Variants in SHTN1 observed in about 807,000 individuals in gnomAD.
SHTN1 encodes shootin-1.
Under a neutral mutation model 83.1 loss-of-function variants are expected in SHTN1, and 42 were observed. That is an observed-to-expected ratio of 0.51 (90% CI 0.39 to 0.65). The LOEUF (loss-of-function observed/expected upper bound fraction) is 0.65, where lower values mean the gene tolerates loss of function less well. Among genes scored for constraint, SHTN1 ranks in the 30% least tolerant of loss-of-function variants. The probability of loss-of-function intolerance (pLI) is 0.00; values close to 1 mark genes in which losing one functional copy is unlikely to be tolerated. For synonymous variants in SHTN1, 224 were observed against 247.7 expected (o/e 0.90, Z 0.90); for missense variants, 622 against 737.8 (o/e 0.84, Z 1.82).
At chr10:117,052,741 C>T (rs537178907) in intron 1 of SHTN1, among the ~76,000 whole-genome samples, 9 of 151,818 alleles carry the variant, frequency 5.9e-5, no homozygotes, top group Middle Eastern at 3.4e-3. Context: ...TAAGTTGGGC[C>T]GAGTGCGGTG....
intron 1 of SHTN1, among the ~76,000 whole-genome samples, chr10:116,988,748 C>T (rs953201213): frequency 6.6e-6 from 1 of 151,848 alleles, no homozygotes; most frequent in Non-Finnish European, 1.5e-5. Context: ...TGTTAGGTTG[C>T]CAAGGCTGGT....
At chr10:117,073,705 T>G (rs1853117199) in intron 1 of SHTN1, among the ~76,000 whole-genome samples, 1 of 152,230 alleles carries the variant, frequency 6.6e-6, no homozygotes, top group East Asian at 1.9e-4. Flanking sequence ...ACATGAACCC[T>G]GAGGCTACTG....
intron 13 of SHTN1, 123 bp downstream of exon 13, chr10:116,915,252 G>A (rs761144332): frequency 6.4e-6 from 4 of 628,596 alleles, no homozygotes; most frequent in Non-Finnish European, 1.1e-5. Flanking sequence ...AAGCTTTTGT[G>A]ACACATTAGC....
At chr10:116,993,400 G>C (rs987943525) in intron 1 of SHTN1, among the ~76,000 whole-genome samples, 3 of 152,078 alleles carry the variant, frequency 2.0e-5, no homozygotes, top group African/African-American at 7.2e-5. Flanking sequence ...CTTAAAGATA[G>C]CAATGAGCAC....
chr10:117,042,962 T>TTAA (rs1210643478), intron 2 of SHTN1, among the ~76,000 whole-genome samples: 40 of 152,098 alleles, frequency 2.6e-4, no homozygotes, highest in Non-Finnish European at 2.9e-5. Flanking sequence ...ACACAAATAT[T>TTAA]TAACCTGTCT....
intron 7 of SHTN1, 129 bp from the exon 8 acceptor site, chr10:116,945,147 G>A (rs1849529820): frequency 1.6e-6 from 1 of 640,080 alleles, no homozygotes; most frequent in African/African-American, 1.8e-5. Flanking sequence ...TTCCTGGTTG[G>A]CATACAAACT....
At chr10:117,010,421 G>T (rs546559800), upstream of SHTN1, among the ~76,000 whole-genome samples, 4 of 151,658 alleles carry the variant, frequency 2.6e-5, no homozygotes, top group African/African-American at 9.7e-5. Context: ...ATTAAAAAAA[G>T]AAAAGAAAAG....
intron 7 of SHTN1, among the ~76,000 whole-genome samples, chr10:116,945,950 CA>C (rs992854292): frequency 7.9e-5 from 12 of 151,886 alleles, no homozygotes; most frequent in African/African-American, 2.9e-4. Context: ...CTCACAAACA[CA>C]AAAAGTTGCA....
intron 1 of SHTN1, among the ~76,000 whole-genome samples, chr10:116,993,420 A>C (rs975061259): frequency 6.6e-6 from 1 of 152,200 alleles, no homozygotes; most frequent in African/African-American, 2.4e-5. Context: ...CTCGTAAATT[A>C]AATTTACTTA....
At chr10:116,992,433 A>C (rs1851471707) in intron 1 of SHTN1, among the ~76,000 whole-genome samples, 1 of 152,168 alleles carries the variant, frequency 6.6e-6, no homozygotes, top group South Asian at 2.1e-4. Flanking sequence ...ACTAACCCCA[A>C]ATCTCACCTA....
chr10:116,929,786 G>C, intron 10 of SHTN1, 63 bp downstream of exon 10: 1 of 1,125,096 alleles, frequency 8.9e-7, no homozygotes. Flanking sequence ...GCCAGGTTTT[G>C]TACTAGGCAT....
At chr10:117,099,789 CAA>C (rs1053641039) in intron 1 of SHTN1, among the ~76,000 whole-genome samples, 5 of 152,122 alleles carry the variant, frequency 3.3e-5, no homozygotes, top group African/African-American at 1.2e-4. Context: ...GGTTAGAATC[CAA>C]AGTTTTCCCC....
intron 6 of SHTN1, among the ~76,000 whole-genome samples, chr10:116,949,463 A>G (rs956171790): frequency 3.3e-5 from 5 of 152,102 alleles, no homozygotes; most frequent in Admixed American, 2.0e-4. Context: ...AATCCAACTA[A>G]AGATCACCCA....
rs530138594 is a variant in SHTN1 at position 116,900,571 on chromosome 10, T to TAC, written c.1673+1192_1673+1193dup. The TAC allele has an allele frequency of 4.3e-4, 661 of 1,534,524 alleles. 6 individuals are homozygous for TAC. The South Asian group carries it at 5.6e-3, about 13-fold the overall frequency. On this transcript the variant is annotated intron_variant, in intron 16 of 16. Coordinates refer to ENST00000355371, the MANE Select transcript of SHTN1 (RefSeq NM_001127211.3). ...TAAAATGGTAAAGGAGAAAAATCTA[T>TAC]ACACACACACTGAAGCATTTATCAG... is the stretch of plus-strand genomic sequence containing the variant.
At chr10:116,921,167 C>T (rs1848551283) in intron 12 of SHTN1, among the ~76,000 whole-genome samples, 1 of 152,110 alleles carries the variant, frequency 6.6e-6, no homozygotes, top group South Asian at 2.1e-4. Flanking sequence ...TACTCCCTCT[C>T]TTTCCTGTAC....
At chr10:117,123,960 C>T (rs1307595109) in intron 1 of SHTN1, among the ~76,000 whole-genome samples, 3 of 150,084 alleles carry the variant, frequency 2.0e-5, no homozygotes, top group African/African-American at 4.9e-5. Flanking sequence ...ACCTGTAATC[C>T]GAACACTTTG....
intron 8 of SHTN1, among the ~76,000 whole-genome samples, chr10:116,944,523 A>G (rs17095447): frequency 0.058 from 8,802 of 152,240 alleles, 830 homozygotes; most frequent in African/African-American, 0.19. Flanking sequence ...CAGATCCTTA[A>G]TTCAAACTGG....
chr10:117,072,709 A>T (rs933913015), intron 1 of SHTN1, among the ~76,000 whole-genome samples: 27 of 152,286 alleles, frequency 1.8e-4, no homozygotes, highest in Middle Eastern at 3.4e-3. Context: ...AAGGAATCTG[A>T]AAAACAGCCT....
At chr10:116,914,488 A>C (rs1848311978) in intron 13 of SHTN1, among the ~76,000 whole-genome samples, 1 of 151,778 alleles carries the variant, frequency 6.6e-6, no homozygotes, top group Admixed American at 6.6e-5. Context: ...AAAAAAGAAC[A>C]GAAAAAGAAA....
Sources: gnomAD v4.1 joint callset for allele counts (sites outside exome capture counted in the v4.1 genomes callset) on GRCh38, gnomAD v4.1.1 for gene constraint, MANE v1.5 for transcripts, NCBI Gene and HGNC (gene_info 2026-07-23, HGNC 2026-07-21) for gene names.